CPE: variants seen among roughly 807,000 people sequenced by gnomAD.
CPE encodes carbocypeptidase E.
Under a neutral mutation model 53.5 loss-of-function variants are expected in CPE, and 17 were observed. The observed-to-expected ratio is 0.32, with a 90% CI of 0.22 to 0.48. The LOEUF is 0.48. Ranked by LOEUF, CPE falls within the 20% of genes least tolerant of loss-of-function variation. CPE has a pLI of 0.99. For synonymous variants in CPE, 226 were observed against 228.8 expected, an observed-to-expected ratio of 0.99 and a Z score of 0.11; for missense variants, 524 against 614.7, an observed-to-expected ratio of 0.85 and a Z score of 1.56.
At chr4:165,385,937 C>T (rs779957197) in intron 1 of CPE, among the ~76,000 whole-genome samples, 3 of 152,156 alleles carry the variant, frequency 2.0e-5, no homozygotes, top group African/African-American at 4.8e-5. Flanking sequence ...CCTTTCTCCC[C>T]GCTCCCTAAC....
At chr4:165,420,527 T>C (rs58507021) in intron 1 of CPE, among the ~76,000 whole-genome samples, 44,872 of 151,954 alleles carry the variant, frequency 0.3, 6,710 homozygotes, top group Middle Eastern at 0.39. Flanking sequence ...TTCTTTATTT[T>C]ATCATCTCCA....
intron 1 of CPE, among the ~76,000 whole-genome samples, chr4:165,428,594 A>G (rs535524746): frequency 6.6e-6 from 1 of 152,278 alleles, no homozygotes; most frequent in Admixed American, 6.5e-5. Context: ...ATCCTTTGCA[A>G]TTCTAGAGAC....
chr4:165,451,917 C>G (rs1199844266), intron 1 of CPE, among the ~76,000 whole-genome samples: 2 of 150,760 alleles, frequency 1.3e-5, no homozygotes, highest in South Asian at 4.2e-4. Flanking sequence ...CCACGTACCG[C>G]CCCCCCAACC....
At chr4:165,476,429 G>A (rs1055240237) in intron 3 of CPE, among the ~76,000 whole-genome samples, 1 of 151,928 alleles carries the variant, frequency 6.6e-6, no homozygotes, top group Non-Finnish European at 1.5e-5. Flanking sequence ...CACTTGAGGC[G>A]TTCGTCCCTT....
chr4:165,408,067 T>A (rs1297088322), intron 1 of CPE, among the ~76,000 whole-genome samples: 1 of 152,160 alleles, frequency 6.6e-6, no homozygotes, highest in Non-Finnish European at 1.5e-5. Context: ...AAGCCCCTTA[T>A]CAGATATACA....
intron 3 of CPE, among the ~76,000 whole-genome samples, chr4:165,468,507 T>G (rs906562533): frequency 6.6e-6 from 1 of 152,192 alleles, no homozygotes; most frequent in Non-Finnish European, 1.5e-5. Flanking sequence ...AAGCTCAGGT[T>G]GTCCAGAAAC....
At chr4:165,463,466 C>T (rs946486810) in intron 1 of CPE, among the ~76,000 whole-genome samples, 4 of 152,024 alleles carry the variant, frequency 2.6e-5, no homozygotes, top group African/African-American at 9.7e-5. Context: ...AAAACAGAGC[C>T]ACAGAGAACT....
At chr4:165,405,673 G>A (rs1730941613) in intron 1 of CPE, 2 of 786,398 alleles carry the variant, frequency 2.5e-6, no homozygotes, top group African/African-American at 1.7e-5. Flanking sequence ...CCATTCCTCT[G>A]GAAGTTTTAG....
At chr4:165,469,880 C>T (rs183402387) in intron 3 of CPE, among the ~76,000 whole-genome samples, 1 of 152,272 alleles carries the variant, frequency 6.6e-6, no homozygotes, top group African/African-American at 2.4e-5. Context: ...GACAAGTGTT[C>T]ATCATGGGGT....
intron 1 of CPE, among the ~76,000 whole-genome samples, chr4:165,393,821 G>T (rs776795018): frequency 1.3e-5 from 2 of 152,154 alleles, no homozygotes; most frequent in Admixed American, 1.3e-4. Context: ...TGCCGGAGGC[G>T]GATAGACAGG....
rs549427021 is a variant in CPE, at chr4:165,435,003, C to T, written c.308-29387C>T. On this transcript the variant is annotated intron_variant, in intron 1 of 8. Transcript: ENST00000402744. ...CTGGCTTTCTCTCTCACCATATGAT[C>T]TCTGCACATGCTGGCTCCCCTCACC... Among the ~76,000 whole-genome samples, 7 of 152,276 alleles carry T rather than the reference C, an allele frequency of 4.6e-5. No homozygotes were observed. In the South Asian group the frequency reaches 1.5e-3, roughly 32 times the overall value.
intron 1 of CPE, chr4:165,404,873 A>G (rs1730927721): frequency 2.6e-6 from 2 of 763,180 alleles, no homozygotes; most frequent in Non-Finnish European, 2.5e-6. Context: ...GTGCCTGCCA[A>G]TCACCTTCTC....
At chr4:165,495,771 C>A in intron 8 of CPE, 94 bp downstream of exon 8, 1 of 848,108 alleles carries the variant, frequency 1.2e-6, no homozygotes. Flanking sequence ...AATCTTCGTA[C>A]TAGCCCTATG....
intron 1 of CPE, among the ~76,000 whole-genome samples, chr4:165,458,930 T>A (rs1731947702): frequency 6.6e-6 from 1 of 152,226 alleles, no homozygotes; most frequent in Non-Finnish European, 1.5e-5. Context: ...GTCTTTTTAT[T>A]TGATCATTTA....
intron 1 of CPE, chr4:165,404,851 G>A (rs1730927379): frequency 2.5e-5 from 19 of 764,794 alleles, no homozygotes; most frequent in South Asian, 5.4e-5. Context: ...TCTTGTCTGC[G>A]GGAGAGAAGT....
At chr4:165,407,058 CA>C (rs1253320940) in intron 1 of CPE, among the ~76,000 whole-genome samples, 12 of 152,160 alleles carry the variant, frequency 7.9e-5, no homozygotes, top group African/African-American at 2.7e-4. Flanking sequence ...CACTTATGTG[CA>C]AGTTTTTTTT....
At chr4:165,435,689 C>T (rs1057249521) in intron 1 of CPE, among the ~76,000 whole-genome samples, 3 of 150,444 alleles carry the variant, frequency 2.0e-5, no homozygotes, top group African/African-American at 2.5e-5. Context: ...TTTTGTTTAT[C>T]GTATATAATA....
At chr4:165,410,891 C>G (rs1258807388) in intron 1 of CPE, among the ~76,000 whole-genome samples, 1 of 151,844 alleles carries the variant, frequency 6.6e-6, no homozygotes, top group Non-Finnish European at 1.5e-5. Context: ...ATGGATGTTT[C>G]AGGATCTGAG....
chr4:165,493,072 G>C, intron 6 of CPE, 99 bp from the exon 7 acceptor site: 2 of 723,662 alleles, frequency 2.8e-6, no homozygotes, highest in Non-Finnish European at 4.6e-6. Flanking sequence ...TACGGTATTT[G>C]CTGGAAAATA....
Sources: gnomAD v4.1 joint callset for allele counts (sites outside exome capture counted in the v4.1 genomes callset) on GRCh38, gnomAD v4.1.1 for gene constraint, MANE v1.5 for transcripts, NCBI Gene and HGNC (gene_info 2026-07-23, HGNC 2026-07-21) for gene names.